Variants in DNAJC21 observed in about 807,000 individuals in gnomAD.
DNAJC21 encodes the protein DnaJ heat shock protein family (Hsp40) member C21, also known as dnaJ homolog subfamily C member 21.
Under a neutral mutation model 72.4 loss-of-function variants are expected in DNAJC21, and 63 were observed. The observed-to-expected ratio is 0.87, with a 90% CI of 0.71 to 1.07. The LOEUF is 1.07. Ranked by LOEUF, DNAJC21 falls within the 50% of genes least tolerant of loss-of-function variation. DNAJC21 has a pLI of 0.00. For synonymous variants in DNAJC21, 203 were observed against 216.7 expected (o/e 0.94, Z 0.56); for missense variants, 634 against 644.8 (o/e 0.98, Z 0.18).
Position 34,933,859 on chromosome 5 carries a change from T to A in DNAJC21, c.142T>A (p.Leu48Ile). The change falls in exon 2 of 12, where the codon TTA (leucine) becomes ATA (isoleucine). Residue 48 changes from leucine to isoleucine, a missense_variant. By Grantham distance (5) the Leu-to-Ile change is conservative. Coordinates refer to ENST00000648817, the MANE Select transcript of DNAJC21 (RefSeq NM_001012339.3). ...CGCAGAAGCAGCTGAACAATTTAAA[T>A]TAATCCAAGCAGCATATGATGTGTT... is the stretch of plus-strand genomic sequence containing the variant. ...NAAEAAEQFKLIQAAYDVLSD... is the reference protein window; with the variant it reads ...NAAEAAEQFKIIQAAYDVLSD... The A allele has an allele frequency of 6.2e-7, 1 of 1,613,974 alleles. No homozygotes were observed. The highest frequency in any genetic ancestry group is 8.5e-7 in the Non-Finnish European group (1 of 1,179,948).
At position 34,946,451 on chromosome 5, in the gene DNAJC21, C is replaced by T. The variant is rs568928843; in HGVS notation, c.1185+648C>T. ...AGTATAATCTAGTTATATTAACTTA[C>T]ATTAAGTATTAAATATTTTTAAGAA... On this transcript the variant is annotated intron_variant, in intron 9 of 11. Coordinates refer to ENST00000648817, the MANE Select transcript of DNAJC21 (RefSeq NM_001012339.3). Among the ~76,000 whole-genome samples the T allele has an allele frequency of 1.1e-4, 16 of 152,096 alleles. No homozygotes were observed. The South Asian group carries it at 1.7e-3, about 16-fold the overall frequency.
intron 7 of DNAJC21, among the ~76,000 whole-genome samples, chr5:34,943,484 A>G (rs1306536107): frequency 1.3e-5 from 2 of 152,212 alleles, no homozygotes; most frequent in African/African-American, 4.8e-5. Flanking sequence ...TTCATCACCC[A>G]ATCAAGGTGT....
At chr5:34,931,622 CTG>C (rs1349854983) in intron 1 of DNAJC21, among the ~76,000 whole-genome samples, 12 of 151,452 alleles carry the variant, frequency 7.9e-5, no homozygotes, top group Admixed American at 2.0e-4. Context: ...AGCCCAAGGA[CTG>C]TGAAATTTGC....
chr5:34,949,534 G>T, intron 9 of DNAJC21: 1 of 1,552,862 alleles, frequency 6.4e-7, no homozygotes, highest in South Asian at 1.2e-5. Flanking sequence ...AGAATGTTTT[G>T]ATTCTTAGGA....
intron 7 of DNAJC21, among the ~76,000 whole-genome samples, chr5:34,941,519 A>G (rs1464923634): frequency 6.7e-6 from 1 of 149,608 alleles, no homozygotes. Context: ...CACTGCATCC[A>G]GTTAAAAGGA....
In DNAJC21 at chr5:34,955,856, A is replaced by G. The variant is rs1036793601; in HGVS notation, c.*1142A>G. ...ATCACGAGGTCAGGAGATCGAGACC[A>G]TCCCGGCTAAAACGGTGAAACCCCG... On this transcript the variant is annotated 3_prime_UTR_variant, in exon 12 of 12. Transcript: ENST00000648817. 2 of 151,078 alleles carry G rather than the reference A, an allele frequency of 1.3e-5. No homozygotes were observed. The highest frequency in any genetic ancestry group is 2.1e-4 in the South Asian group (1 of 4,768). 9.4% of individuals were successfully genotyped at this position (151,078 alleles called of 1,614,324 possible). A position where few individuals can be genotyped will look rare whatever the true frequency, so the allele number is the denominator to read the frequency against.
intron 1 of DNAJC21, among the ~76,000 whole-genome samples, chr5:34,931,692 A>G (rs921535236): frequency 6.6e-6 from 1 of 152,166 alleles, no homozygotes; most frequent in Non-Finnish European, 1.5e-5. Context: ...GGAGAGTACT[A>G]TGAAGGCAAC....
chr5:34,954,376 T>G (rs1428956004), intron 11 of DNAJC21, among the ~76,000 whole-genome samples, 177 bp from the exon 12 acceptor site: 2 of 152,220 alleles, frequency 1.3e-5, no homozygotes, highest in East Asian at 1.9e-4. Flanking sequence ...TCGTGTTGAT[T>G]AGTGGGATTT....
rs1328671559 is a variant in DNAJC21, at chr5:34,947,654, A to AT, written c.1185+1852dup. 1.5e-4 allele frequency among the ~76,000 whole-genome samples: 15 copies of AT among 103,408 alleles called. 1 individual carries two copies. Among genetic ancestry groups the AT allele is most frequent in the Non-Finnish European group, 2.7e-4 (12 of 44,788 alleles). 67.8% of individuals were successfully genotyped at this position (103,408 alleles called of 152,430 possible). Reference sequence around the variant, plus strand: ...TCAGTGTAGACATGCAGTTTTCACCATGTTTTTTTTTTTTTTTTTGAAGAG... The same window carrying AT: ...TCAGTGTAGACATGCAGTTTTCACCATTGTTTTTTTTTTTTTTTTTGAAGAG... On this transcript the variant is annotated intron_variant, in intron 9 of 11. Transcript: ENST00000648817.
At chr5:34,938,272 ATCC>A (rs1362604357) in intron 5 of DNAJC21, among the ~76,000 whole-genome samples, 3 of 152,248 alleles carry the variant, frequency 2.0e-5, no homozygotes, top group African/African-American at 7.2e-5. Flanking sequence ...TGAAGTACTT[ATCC>A]TCCTTGTTCT....
chr5:34,958,593 A>G lies in DNAJC21; in HGVS notation c.*3879A>G, dbSNP rs1429282320. 6.6e-6 allele frequency: 1 copy of G among 152,234 alleles called. No individual in the cohort carries two copies. Among genetic ancestry groups the G allele is most frequent in the Non-Finnish European group, 1.5e-5 (1 of 68,036 alleles). The allele number at this position is 152,234 out of a possible 1,614,324, so 9.4% of individuals were successfully genotyped here. A position where few individuals can be genotyped will look rare whatever the true frequency, so the allele number is the denominator to read the frequency against. On this transcript the variant is annotated 3_prime_UTR_variant, in exon 12 of 12. Coordinates refer to ENST00000648817, the MANE Select transcript of DNAJC21 (RefSeq NM_001012339.3). ...TTCTGTAGAACAATAGAGACTGTAA[A>G]AGAACAAGCTACAGACAAGGAAATG...
Position 34,937,420 on chromosome 5 carries a change from G to C in DNAJC21, c.533G>C (p.Arg178Pro). 1 of 1,614,118 alleles carries C rather than the reference G, an allele frequency of 6.2e-7. No homozygotes were observed. The highest frequency in any genetic ancestry group is 8.5e-7 in the Non-Finnish European group (1 of 1,180,024). Residue 178 changes from arginine to proline, a missense_variant, in exon 5 of 12, where the codon CGC becomes CCC. Physicochemically the swap from Arg to Pro is moderately radical, Grantham distance 103. Coordinates refer to ENST00000648817, the MANE Select transcript of DNAJC21 (RefSeq NM_001012339.3). ...EEYDTRQASN[R>P]WEKRAMEKEN... ...TATGATACACGACAGGCTTCAAACC[G>C]CTGGGAAAAACGAGCCATGGAAAAA...
Position 34,941,144 on chromosome 5 carries a change from A to G in DNAJC21, c.944A>G (p.Tyr315Cys). Residue 315 changes from tyrosine (Y) to cysteine (C), a missense_variant, in exon 7 of 12, where the codon TAC becomes TGC. Transcript: ENST00000648817. Reference protein sequence around the residue: ...AEDAELYDDLYCPACDKSFKT... With the variant: ...AEDAELYDDLCCPACDKSFKT... ...GACGCTGAGCTCTATGATGACCTTTACTGCCCAGCATGTGACAAATCGTTC... is the reference window on the plus strand; with the variant it reads ...GACGCTGAGCTCTATGATGACCTTTGCTGCCCAGCATGTGACAAATCGTTC... 1 of 1,614,166 alleles carries G rather than the reference A, an allele frequency of 6.2e-7. No homozygotes were observed. Among genetic ancestry groups the G allele is most frequent in the Non-Finnish European group, 8.5e-7 (1 of 1,180,022 alleles).
intron 2 of DNAJC21, 140 bp downstream of exon 2, chr5:34,934,048 A>T: frequency 1.6e-6 from 1 of 640,852 alleles, no homozygotes; most frequent in Non-Finnish European, 2.6e-6. Context: ...CATCACATAA[A>T]ATCTAACGTT....
rs930561870 is a variant in DNAJC21 at position 34,958,780 on chromosome 5, A to C, written c.*4066A>C. Reference sequence around the variant, plus strand: ...CCCTTTACACTCTTCAAAAGTGAGAACCCCAAAGAGTTTTCATGTATGTGG... The same window carrying C: ...CCCTTTACACTCTTCAAAAGTGAGACCCCCAAAGAGTTTTCATGTATGTGG... On this transcript the variant is annotated 3_prime_UTR_variant, in exon 12 of 12. Transcript: ENST00000648817. 6.6e-5 allele frequency: 10 copies of C among 152,202 alleles called. No individual in the cohort carries two copies. Among genetic ancestry groups the C allele is most frequent in the African/African-American group, 2.4e-4 (10 of 41,460 alleles). 9.4% of individuals were successfully genotyped at this position (152,202 alleles called of 1,614,324 possible).
At chr5:34,946,114 A>T (rs181664105) in intron 9 of DNAJC21, among the ~76,000 whole-genome samples, 78 of 152,304 alleles carry the variant, frequency 5.1e-4, no homozygotes, top group Non-Finnish European at 9.6e-4. Context: ...AAGGCTTTTA[A>T]GTCAAGACAA....
intron 10 of DNAJC21, 191 bp downstream of exon 10, chr5:34,950,533 G>C: frequency 8.0e-7 from 1 of 1,243,968 alleles, no homozygotes; most frequent in Non-Finnish European, 1.0e-6. Context: ...GATGCTAGAG[G>C]AATGTGCCCA....
chr5:34,944,844 C>T (rs1327722027), intron 7 of DNAJC21, 23 bp from the exon 8 acceptor site: 3 of 1,613,356 alleles, frequency 1.9e-6, no homozygotes, highest in African/African-American at 1.3e-5. Flanking sequence ...AGCGCAGCTG[C>T]TCACGTCAGA....
At chr5:34,935,999 C>G in intron 3 of DNAJC21, 145 bp from the exon 4 acceptor site, 3 of 1,406,124 alleles carry the variant, frequency 2.1e-6, no homozygotes, top group Non-Finnish European at 2.9e-6. Context: ...ATAAAAACCT[C>G]TAGTTGAAAT....
Sources: gnomAD v4.1 joint callset for allele counts (sites outside exome capture counted in the v4.1 genomes callset) on GRCh38, gnomAD v4.1.1 for gene constraint, MANE v1.5 for transcripts, NCBI Gene and HGNC (gene_info 2026-07-23, HGNC 2026-07-21) for gene names.